The following FAT2 variants were observed in gnomAD, a reference collection of about 807,000 sequenced individuals.
FAT2 encodes protocadherin Fat 2.
In FAT2, 150 loss-of-function variants were observed where a neutral mutation model predicts 295.3. That is an observed-to-expected ratio of 0.51 (90% CI 0.44 to 0.58). The LOEUF is 0.58. Ranked by LOEUF, FAT2 falls within the 20% of genes least tolerant of loss-of-function variation. The pLI, the probability that FAT2 is intolerant of heterozygous loss-of-function variation, is 0.00. For missense variants in FAT2, 4,868 were observed against 5,442.7 expected, an observed-to-expected ratio of 0.89 and a Z score of 3.32; for synonymous variants, 2,026 against 2,150.3, an observed-to-expected ratio of 0.94 and a Z score of 1.60.
intron 19 of FAT2, among the ~76,000 whole-genome samples, chr5:151,518,371 A>ATTATTAGTATTATT (rs58882221): frequency 7.6e-6 from 1 of 131,110 alleles, no homozygotes. Flanking sequence ...TAATAATAAT[A>ATTATTAGTATTATT]ATAATTTTTA....
upstream of FAT2, among the ~76,000 whole-genome samples, chr5:151,594,460 C>A (rs1265200411): frequency 2.0e-5 from 3 of 152,196 alleles, no homozygotes; most frequent in Non-Finnish European, 4.4e-5. Context: ...ACCCAGGCAT[C>A]AGTATTCATA....
At chr5:151,591,338 C>CAGGAGG (rs951804695), upstream of FAT2, among the ~76,000 whole-genome samples, 12 of 151,984 alleles carry the variant, frequency 7.9e-5, no homozygotes, top group African/African-American at 2.9e-4. Context: ...TGTCCCAGCC[C>CAGGAGG]AGGAGGAGGA....
rs1322431239 is a variant in FAT2, at chr5:151,566,005, A to AG, written c.2926dup (p.Leu976ProfsTer15). Reference sequence around the variant, plus strand: ...CTCCAGAATGAGCGCCCCTGTCATCAGGTCCACCCGGAAGGTCCCATGGGC... The same window carrying AG: ...CTCCAGAATGAGCGCCCCTGTCATCAGGGTCCACCCGGAAGGTCCCATGGGC... On this transcript the variant is annotated frameshift_variant, in exon 2 of 24. Transcript: ENST00000261800. LOFTEE classifies it high-confidence loss of function. 6.2e-7 allele frequency: 1 copy of AG among 1,613,974 alleles called. No homozygotes were observed. The highest frequency in any genetic ancestry group is 8.5e-7 in the Non-Finnish European group (1 of 1,180,024).
upstream of FAT2, among the ~76,000 whole-genome samples, chr5:151,592,054 A>G (rs1211678175): frequency 1.3e-5 from 2 of 152,170 alleles, no homozygotes; most frequent in East Asian, 1.9e-4. Flanking sequence ...GATTCATGAG[A>G]CCGATTATGT....
At chr5:151,535,604 C>T (rs1471917529) in intron 12 of FAT2, among the ~76,000 whole-genome samples, 1 of 152,156 alleles carries the variant, frequency 6.6e-6, no homozygotes, top group African/African-American at 2.4e-5. Flanking sequence ...AACCAGTAAA[C>T]ACAAGTGTTT....
upstream of FAT2, among the ~76,000 whole-genome samples, chr5:151,594,200 G>A (rs765626744): frequency 2.0e-5 from 3 of 152,200 alleles, no homozygotes; most frequent in South Asian, 2.1e-4. Context: ...TCCAAGCCCC[G>A]GTCTGTCTGA....
At chr5:151,586,507 A>G (rs1342525837) in intron 1 of FAT2, among the ~76,000 whole-genome samples, 1 of 152,166 alleles carries the variant, frequency 6.6e-6, no homozygotes, top group African/African-American at 2.4e-5. Flanking sequence ...TTGTTAATCA[A>G]TGGGTAGTGG....
In FAT2 at chr5:151,550,888, G is replaced by C. The variant is rs1243539614; in HGVS notation, c.4297-17C>G. On this transcript the variant is annotated splice_polypyrimidine_tract_variant and intron_variant, in intron 7 of 23. Coordinates refer to ENST00000261800, the MANE Select transcript of FAT2 (RefSeq NM_001447.3). ...GATGTGGACCTAGGGAGGGAGATGAGGGAGAAGGTGCACTGCAAGCCCCAG... is the reference window on the plus strand; with the variant it reads ...GATGTGGACCTAGGGAGGGAGATGACGGAGAAGGTGCACTGCAAGCCCCAG... 3 of 1,609,566 alleles carry C rather than the reference G, an allele frequency of 1.9e-6. No homozygotes were observed. Among genetic ancestry groups the C allele is most frequent in the Non-Finnish European group, 2.5e-6 (3 of 1,178,334 alleles).
chr5:151,585,623 T>A (rs928376327), intron 1 of FAT2, among the ~76,000 whole-genome samples: 48 of 152,138 alleles, frequency 3.2e-4, no homozygotes, highest in East Asian at 5.8e-4. Flanking sequence ...AGGAAAAAAA[T>A]ATATATATAT....
intron 21 of FAT2, chr5:151,511,561 A>T (rs1761325396): frequency 6.5e-6 from 1 of 153,376 alleles, no homozygotes; most frequent in Non-Finnish European, 1.5e-5. Flanking sequence ...GATGATGGAG[A>T]TGGGTGTTTG....
rs151155358 is a variant in FAT2, at chr5:151,506,182, C to T, written c.12518-85G>A. 1,520 of 1,407,094 alleles carry T rather than the reference C, an allele frequency of 1.1e-3. 17 individuals are homozygous for T. The African/African-American group carries it at 0.02, about 19-fold the overall frequency. 87.2% of individuals were successfully genotyped at this position (1,407,094 alleles called of 1,614,324 possible). ...TCTATAGCAACTATATATAACCTAGCGAGTGGTGGAGATGGGAGTGGGTGG... is the reference window on the plus strand; with the variant it reads ...TCTATAGCAACTATATATAACCTAGTGAGTGGTGGAGATGGGAGTGGGTGG... On this transcript the variant is annotated intron_variant, in intron 23 of 23. Transcript: ENST00000261800.
chr5:151,592,244 C>T (rs919400940), upstream of FAT2, among the ~76,000 whole-genome samples: 2 of 152,228 alleles, frequency 1.3e-5, no homozygotes, highest in Admixed American at 1.3e-4. Flanking sequence ...GCACTCCTCT[C>T]CCCTGCTGCC....
chr5:151,521,494 G>A lies in FAT2; in HGVS notation c.11099C>T (p.Ala3700Val), dbSNP rs764916395. 1 of 1,614,236 alleles carries A rather than the reference G, an allele frequency of 6.2e-7. No individual in the cohort carries two copies. The highest frequency in any genetic ancestry group is 8.5e-7 in the Non-Finnish European group (1 of 1,180,032). ...SGTFYEFQEL[A>V]SIITHSAKEM... ...CTTGGCTGAGTGAGTGATGATGGAT[G>A]CTAGCTCCTGAAACTCGTAGAAGGT... is the stretch of plus-strand genomic sequence containing the variant. The change falls in exon 19 of 24, where the codon GCA becomes GTA. Residue 3700 changes from alanine to valine, a missense_variant. Around this residue, in one of 5 missense-constraint regions of FAT2, gnomAD observed 1,046 missense variants for 1,210.1 expected, o/e 0.86. Transcript: ENST00000261800.
At chr5:151,534,005 G>A (rs994132274) in intron 13 of FAT2, among the ~76,000 whole-genome samples, 8 of 152,050 alleles carry the variant, frequency 5.3e-5, no homozygotes, top group African/African-American at 1.4e-4. Flanking sequence ...AATTGATCAA[G>A]GAATTTAATG....
intron 12 of FAT2, among the ~76,000 whole-genome samples, chr5:151,535,730 G>A (rs1296746690): frequency 1.3e-5 from 2 of 152,316 alleles, no homozygotes; most frequent in Admixed American, 1.3e-4. Flanking sequence ...TGCAACTGGT[G>A]TCTGGGTAAG....
intron 20 of FAT2, among the ~76,000 whole-genome samples, chr5:151,515,699 A>G (rs1195970919): frequency 6.6e-6 from 1 of 152,116 alleles, no homozygotes; most frequent in Admixed American, 6.5e-5. Flanking sequence ...TGTAGAATCT[A>G]TCTTCTTTCC....
At chr5:151,578,536 C>G (rs1019493664) in intron 1 of FAT2, among the ~76,000 whole-genome samples, 3 of 152,176 alleles carry the variant, frequency 2.0e-5, no homozygotes, top group Non-Finnish European at 4.4e-5. Flanking sequence ...CAAATTAGTA[C>G]AGCCATTACG....
At chr5:151,573,918 C>G (rs1758642060) in intron 1 of FAT2, among the ~76,000 whole-genome samples, 1 of 152,054 alleles carries the variant, frequency 6.6e-6, no homozygotes. Context: ...TGGGGGAATC[C>G]AAGCAGAATC....
intron 19 of FAT2, among the ~76,000 whole-genome samples, chr5:151,520,451 C>A (rs1753328074): frequency 6.6e-6 from 1 of 152,156 alleles, no homozygotes; most frequent in Non-Finnish European, 1.5e-5. Flanking sequence ...GGGCTAATGA[C>A]CCTGCTTGGT....
Sources: gnomAD v4.1 joint callset for allele counts (sites outside exome capture counted in the v4.1 genomes callset) on GRCh38, gnomAD v4.1.1 for gene constraint, gnomAD v4.1.1 regional missense constraint, MANE v1.5 for transcripts, NCBI Gene and HGNC (gene_info 2026-07-23, HGNC 2026-07-21) for gene names.